Variants in CWC27 observed in about 807,000 individuals in gnomAD.
The protein encoded by CWC27 is spliceosome-associated protein CWC27 homolog.
CWC27 carries 47 observed loss-of-function variants against 63.6 expected under a neutral mutation model. That is an observed-to-expected ratio of 0.74 (90% CI 0.58 to 0.94). The LOEUF (loss-of-function observed/expected upper bound fraction) is 0.94, where lower values mean the gene tolerates loss of function less well. Among genes scored for constraint, CWC27 ranks in the 40% least tolerant of loss-of-function variants. The pLI, the probability that CWC27 is intolerant of heterozygous loss-of-function variation, is 0.00. For missense variants in CWC27, 495 were observed against 554.3 expected (o/e 0.89, Z 1.07); for synonymous variants, 175 against 179.8 (o/e 0.97, Z 0.22).
At chr5:64,977,602 C>A (rs1265460110) in intron 13 of CWC27, among the ~76,000 whole-genome samples, 1 of 152,162 alleles carries the variant, frequency 6.6e-6, no homozygotes, top group Admixed American at 6.5e-5. Context: ...TCAATAATTT[C>A]TCACATTTTC....
intron 11 of CWC27, among the ~76,000 whole-genome samples, chr5:64,895,732 A>C (rs540256538): frequency 6.6e-6 from 1 of 152,312 alleles, no homozygotes; most frequent in South Asian, 2.1e-4. Context: ...TGAAAATATA[A>C]AGAACACGTG....
At chr5:64,962,048 A>T (rs937374447) in intron 11 of CWC27, among the ~76,000 whole-genome samples, 4 of 152,214 alleles carry the variant, frequency 2.6e-5, no homozygotes, top group Admixed American at 2.0e-4. Context: ...AGCACTCTGT[A>T]TTAGAAAAAC....
At chr5:64,877,873 T>C (rs1379505984) in intron 10 of CWC27, among the ~76,000 whole-genome samples, 2 of 151,838 alleles carry the variant, frequency 1.3e-5, no homozygotes, top group Non-Finnish European at 3.0e-5. Flanking sequence ...TCTCTTGCCA[T>C]CTCTATACTT....
intron 10 of CWC27, among the ~76,000 whole-genome samples, chr5:64,823,312 C>A (rs1258873393): frequency 2.0e-5 from 3 of 152,198 alleles, no homozygotes; most frequent in Admixed American, 6.5e-5. Context: ...TCTCTTCCAA[C>A]CATGGCGTAT....
chr5:64,896,930 A>T (rs1262730292), intron 11 of CWC27, among the ~76,000 whole-genome samples: 2 of 152,176 alleles, frequency 1.3e-5, no homozygotes, highest in Admixed American at 1.3e-4. Flanking sequence ...TGGACAATCA[A>T]GCCGCGCACG....
At chr5:64,995,635 G>A (rs1749617788) in intron 13 of CWC27, among the ~76,000 whole-genome samples, 1 of 152,032 alleles carries the variant, frequency 6.6e-6, no homozygotes, top group South Asian at 2.1e-4. Flanking sequence ...GATATTAAAT[G>A]TGTTCTTTAT....
intron 11 of CWC27, among the ~76,000 whole-genome samples, chr5:64,947,246 G>A (rs1434274437): frequency 6.6e-6 from 1 of 152,050 alleles, no homozygotes; most frequent in Non-Finnish European, 1.5e-5. Flanking sequence ...TGTTCCATCA[G>A]ATAAAGCTGT....
In CWC27 at chr5:64,946,545, TGACAAAAA is replaced by T. The variant is rs569902991; in HGVS notation, c.1043-25154_1043-25147del. Among the ~76,000 whole-genome samples, 464 of 152,236 alleles carry T rather than the reference TGACAAAAA, an allele frequency of 3.0e-3. 3 individuals are homozygous for T. Among genetic ancestry groups the T allele is most frequent in the Middle Eastern group, 0.01 (3 of 294 alleles). On this transcript the variant is annotated intron_variant, in intron 11 of 13. Coordinates refer to ENST00000381070, the MANE Select transcript of CWC27 (RefSeq NM_005869.4). ...ATGGGCATTCAGATTCACTGTTCAG[TGACAAAAA>T]GACTGGCTACCTTCATGTTCTAAAT... is the stretch of plus-strand genomic sequence containing the variant.
At chr5:64,834,084 G>A (rs552202153) in intron 10 of CWC27, among the ~76,000 whole-genome samples, 169 of 149,492 alleles carry the variant, frequency 1.1e-3, no homozygotes, top group African/African-American at 4.1e-3. Flanking sequence ...AAGTTGTCAT[G>A]CCCCTCGCTT....
chr5:64,784,082 G>A lies in CWC27; in HGVS notation c.396+103G>A, dbSNP rs971684021. ...ATTAACTTATCTAAGAGCTACCTTT[G>A]TAAAAACATTCCATAGGATATGTTT... On this transcript the variant is annotated intron_variant, in intron 4 of 13. Coordinates refer to ENST00000381070, the MANE Select transcript of CWC27 (RefSeq NM_005869.4). 4 of 994,868 alleles carry A rather than the reference G, an allele frequency of 4.0e-6. No homozygotes were observed. In the Admixed American group the frequency reaches 8.9e-5, roughly 22 times the overall value. 61.6% of individuals were successfully genotyped at this position (994,868 alleles called of 1,614,324 possible).
chr5:64,784,959 A>G (rs1370801257), intron 4 of CWC27, among the ~76,000 whole-genome samples: 1 of 152,210 alleles, frequency 6.6e-6, no homozygotes, highest in African/African-American at 2.4e-5. Context: ...TTATATAACT[A>G]ACACATCAGA....
chr5:64,999,132 G>A (rs1258733897), intron 13 of CWC27, among the ~76,000 whole-genome samples: 1 of 151,652 alleles, frequency 6.6e-6, no homozygotes, highest in East Asian at 1.9e-4. Flanking sequence ...CTCTTCATAT[G>A]AGTTACTGTG....
chr5:64,953,343 G>A (rs1037279792), intron 11 of CWC27, among the ~76,000 whole-genome samples: 3 of 152,100 alleles, frequency 2.0e-5, no homozygotes, highest in African/African-American at 7.2e-5. Context: ...ATATCAGAAA[G>A]TAGAGACAAA....
Position 64,980,995 on chromosome 5 carries a change from GGC to G in CWC27, c.1256+3758_1256+3759del, listed in dbSNP as rs1156415175. Among the ~76,000 whole-genome samples, 6 of 152,278 alleles carry G rather than the reference GGC, an allele frequency of 3.9e-5. No individual in the cohort carries two copies. In the South Asian group the frequency reaches 8.3e-4, roughly 21 times the overall value. The stretch of plus-strand genomic sequence containing the variant: ...TGGTCCCAGCTACTCAGGAGGCTGA[GGC>G]ACGAGAATCGCTTGAACCTGAAAGG... On this transcript the variant is annotated intron_variant, in intron 13 of 13. Transcript: ENST00000381070.
chr5:64,910,978 A>G (rs1561153222), intron 11 of CWC27, among the ~76,000 whole-genome samples: 1 of 152,182 alleles, frequency 6.6e-6, no homozygotes, highest in African/African-American at 2.4e-5. Flanking sequence ...AACCAGTCCC[A>G]GTGAGATGAA....
chr5:64,832,057 T>C (rs1259513293), intron 10 of CWC27, among the ~76,000 whole-genome samples: 1 of 151,922 alleles, frequency 6.6e-6, no homozygotes, highest in Non-Finnish European at 1.5e-5. Context: ...TAATTTCTTA[T>C]AAGTTGCATG....
At chr5:64,785,267 GA>G (rs1411655620) in intron 4 of CWC27, among the ~76,000 whole-genome samples, 1 of 152,002 alleles carries the variant, frequency 6.6e-6, no homozygotes, top group Non-Finnish European at 1.5e-5. Flanking sequence ...ATATATATTG[GA>G]AATTTCCAAA....
chr5:64,994,874 T>C (rs1009184716), intron 13 of CWC27, among the ~76,000 whole-genome samples: 6 of 152,254 alleles, frequency 3.9e-5, no homozygotes, highest in Non-Finnish European at 5.9e-5. Flanking sequence ...CTTGTATTAA[T>C]TTCTATTTAT....
At position 64,808,407 on chromosome 5, in the gene CWC27, T is replaced by C. The variant is rs542595066; in HGVS notation, c.938+4021T>C. 7.0e-5 allele frequency: 63 copies of C among 905,468 alleles called. 1 individual carries two copies. The Admixed American group carries it at 3.3e-3, about 48-fold the overall frequency. The allele number at this position is 905,468 out of a possible 1,614,324, so 56.1% of individuals were successfully genotyped here. On this transcript the variant is annotated intron_variant, in intron 10 of 13. Coordinates refer to ENST00000381070, the MANE Select transcript of CWC27 (RefSeq NM_005869.4). ...CACTCCTGTAATATTAGGTTACATA[T>C]ACATTTTTTCTTCTTTGTGTATCCT...
Sources: gnomAD v4.1 joint callset for allele counts (sites outside exome capture counted in the v4.1 genomes callset) on GRCh38, gnomAD v4.1.1 for gene constraint, MANE v1.5 for transcripts, NCBI Gene and HGNC (gene_info 2026-07-23, HGNC 2026-07-21) for gene names.